The following LTBP1 variants were observed in gnomAD, a reference collection of about 807,000 sequenced individuals.
The protein encoded by LTBP1 is latent transforming growth factor beta binding protein 1.
Under a neutral mutation model 207.6 loss-of-function variants are expected in LTBP1, and 129 were observed. The observed-to-expected ratio is 0.62, with a 90% CI of 0.54 to 0.72. LTBP1 has a LOEUF of 0.72. Ranked by LOEUF, LTBP1 falls within the 30% of genes least tolerant of loss-of-function variation. The pLI is 0.00. For synonymous variants in LTBP1, 963 were observed against 833.7 expected (o/e 1.16, Z -2.67); for missense variants, 2,281 against 2,217.2 (o/e 1.03, Z -0.58).
At chr2:33,295,668 C>T (rs911836160) in intron 20 of LTBP1, among the ~76,000 whole-genome samples, 1 of 152,024 alleles carries the variant, frequency 6.6e-6, no homozygotes, top group Admixed American at 6.5e-5. Flanking sequence ...TTCTTATGGC[C>T]AAATCTGTGG....
Position 33,014,617 on chromosome 2 carries a change from G to A in LTBP1, c.566-6292G>A, listed in dbSNP as rs560892039. Reference sequence around the variant, plus strand: ...GAGAGTCACACTGTTTGCACTGTGTGGACTGAGACAAGTTTTAAATATAAC... The same window carrying A: ...GAGAGTCACACTGTTTGCACTGTGTAGACTGAGACAAGTTTTAAATATAAC... On this transcript the variant is annotated intron_variant, in intron 2 of 33. Coordinates refer to ENST00000404816, the MANE Select transcript of LTBP1 (RefSeq NM_206943.4). Among the ~76,000 whole-genome samples the A allele has an allele frequency of 2.0e-5, 3 of 152,274 alleles. No homozygotes were observed. In the South Asian group the frequency reaches 6.2e-4, roughly 32 times the overall value.
intron 33 of LTBP1, 91 bp downstream of exon 33, chr2:33,397,373 G>GT: frequency 6.8e-7 from 1 of 1,475,762 alleles, no homozygotes; most frequent in Non-Finnish European, 9.4e-7. Flanking sequence ...GATTTGCTGA[G>GT]TTTCAGTTTG....
chr2:33,004,774 C>CAAAAA (rs34109778), intron 2 of LTBP1, among the ~76,000 whole-genome samples: 1 of 85,494 alleles, frequency 1.2e-5, no homozygotes. Context: ...GCCTCAGTCT[C>CAAAAA]AAAAAAAAAG....
In LTBP1 at chr2:33,099,021, TTTTG is replaced by T. The variant is rs1310549518; in HGVS notation, c.864-11559_864-11556del. ...TCAGATTTTGCAGCTTCTCATATAA[TTTTG>T]TACTTGTGCTCCAGACATATTGAAA... On this transcript the variant is annotated intron_variant, in intron 3 of 33. Coordinates refer to ENST00000404816, the MANE Select transcript of LTBP1 (RefSeq NM_206943.4). Among the ~76,000 whole-genome samples the T allele has an allele frequency of 5.9e-5, 9 of 152,218 alleles. No individual in the cohort carries two copies. In the South Asian group the frequency reaches 1.0e-3, roughly 18 times the overall value.
At chr2:33,295,642 A>AT (rs1206797492) in intron 20 of LTBP1, among the ~76,000 whole-genome samples, 1 of 151,904 alleles carries the variant, frequency 6.6e-6, no homozygotes, top group East Asian at 1.9e-4. Flanking sequence ...CCTTTTTATG[A>AT]TTTTTTAAAA....
intron 2 of LTBP1, among the ~76,000 whole-genome samples, chr2:32,967,808 G>A (rs78975116): frequency 6.6e-6 from 1 of 152,096 alleles, no homozygotes; most frequent in East Asian, 1.9e-4. Context: ...GGATGAAGTA[G>A]TAAATACATG....
chr2:33,142,350 G>A (rs1456830888), intron 5 of LTBP1, among the ~76,000 whole-genome samples: 6 of 151,934 alleles, frequency 3.9e-5, no homozygotes, highest in South Asian at 2.1e-4. Context: ...CCACCTTGCC[G>A]CACGGCCCTT....
chr2:33,200,068 T>C (rs1228391778), intron 7 of LTBP1, among the ~76,000 whole-genome samples: 2 of 152,122 alleles, frequency 1.3e-5, no homozygotes, highest in African/African-American at 4.8e-5. Context: ...ATGTATAGAT[T>C]CAATGCCATC....
intron 28 of LTBP1, among the ~76,000 whole-genome samples, chr2:33,362,790 G>A (rs62148934): frequency 0.032 from 4,846 of 152,242 alleles, 130 homozygotes; most frequent in Non-Finnish European, 0.055. Flanking sequence ...AGCATATACC[G>A]AGTCCTATCC....
chr2:33,331,181 A>C (rs919567127), intron 24 of LTBP1, among the ~76,000 whole-genome samples: 4 of 151,632 alleles, frequency 2.6e-5, no homozygotes, highest in African/African-American at 9.7e-5. Flanking sequence ...GAAACAACTT[A>C]TGTGGATTTG....
At chr2:33,051,466 A>G (rs1170499047) in intron 3 of LTBP1, among the ~76,000 whole-genome samples, 2 of 152,186 alleles carry the variant, frequency 1.3e-5, no homozygotes, top group Non-Finnish European at 2.9e-5. Flanking sequence ...GTCCTCTGCA[A>G]TATTACTGAG....
At chr2:33,279,250 C>G (rs1184089037) in intron 18 of LTBP1, among the ~76,000 whole-genome samples, 2 of 152,186 alleles carry the variant, frequency 1.3e-5, no homozygotes. Flanking sequence ...GTTGAACTCT[C>G]TCTTATATCT....
chr2:33,320,340 C>T (rs1485493684), intron 24 of LTBP1, among the ~76,000 whole-genome samples: 1 of 151,234 alleles, frequency 6.6e-6, no homozygotes, highest in Non-Finnish European at 1.5e-5. Flanking sequence ...CTGCACTCCA[C>T]CCTGGTGACA....
intron 16 of LTBP1, among the ~76,000 whole-genome samples, chr2:33,274,527 A>G (rs934377067): frequency 2.6e-5 from 4 of 152,204 alleles, no homozygotes; most frequent in African/African-American, 9.7e-5. Flanking sequence ...TGTATACATT[A>G]TATGTGTCAC....
intron 5 of LTBP1, among the ~76,000 whole-genome samples, chr2:33,136,546 A>G (rs907666045): frequency 6.6e-6 from 1 of 152,196 alleles, no homozygotes; most frequent in African/African-American, 2.4e-5. Context: ...AGAAAAGGCA[A>G]TTCCAGTAGA....
intron 10 of LTBP1, among the ~76,000 whole-genome samples, chr2:33,244,438 A>G (rs1240905049): frequency 6.6e-6 from 1 of 152,240 alleles, no homozygotes; most frequent in Non-Finnish European, 1.5e-5. Context: ...TCATTAAACC[A>G]CATGTTCTAA....
At chr2:33,118,913 A>G (rs1380189572) in intron 4 of LTBP1, among the ~76,000 whole-genome samples, 1 of 152,242 alleles carries the variant, frequency 6.6e-6, no homozygotes, top group Non-Finnish European at 1.5e-5. Flanking sequence ...AACAGTAGAT[A>G]TGGATTGGTT....
At chr2:33,102,602 A>G (rs2079800460) in intron 3 of LTBP1, among the ~76,000 whole-genome samples, 1 of 152,094 alleles carries the variant, frequency 6.6e-6, no homozygotes, top group African/African-American at 2.4e-5. Context: ...GTCGAAGACA[A>G]TTTTTATTGG....
chr2:33,121,961 GAATAAAT>G, intron 4 of LTBP1, among the ~76,000 whole-genome samples: 1 of 152,148 alleles, frequency 6.6e-6, no homozygotes, highest in Non-Finnish European at 1.5e-5. Context: ...ATTCATCCGA[GAATAAAT>G]AATAAACATG....
Sources: allele counts gnomAD v4.1 joint callset (sites outside exome capture counted in the v4.1 genomes callset), GRCh38; gene constraint gnomAD v4.1.1; transcripts MANE v1.5; gene names NCBI Gene and HGNC (gene_info 2026-07-23, HGNC 2026-07-21).